RAB25: variants seen among roughly 807,000 people sequenced by gnomAD.
RAB25 encodes RAB25, member RAS oncogene family.
A neutral mutation model predicts 25.2 loss-of-function variants in RAB25; 23 were observed. The observed-to-expected ratio is 0.91, with a 90% confidence interval of 0.66 to 1.29. The LOEUF is 1.29. RAB25 is among the 50% of genes most tolerant of loss of function. The pLI is 0.00. For synonymous variants in RAB25, 102 were observed against 111.5 expected (o/e 0.91, Z 0.54); for missense variants, 244 against 277.3 (o/e 0.88, Z 0.85).
chr1:156,066,272 C>T, intron 2 of RAB25, 166 bp downstream of exon 2: 2 of 602,954 alleles, frequency 3.3e-6, no homozygotes, highest in Admixed American at 6.6e-5. Flanking sequence ...ACAGAAACAG[C>T]ACAAGCCAGG....
intron 2 of RAB25, among the ~76,000 whole-genome samples, chr1:156,067,587 TA>T (rs1234445624): frequency 6.6e-6 from 1 of 152,136 alleles, no homozygotes; most frequent in Non-Finnish European, 1.5e-5. Flanking sequence ...AGGCCACTGT[TA>T]AGGAGCCATG....
Position 156,070,147 on chromosome 1 carries a change from T to C in RAB25, c.515-13T>C. ...AAATCTTCTGGCCTGATCACTGCCC[T>C]CTGCCCTCCCAGAAATCTTTGCGAA... On this transcript the variant is annotated splice_polypyrimidine_tract_variant and intron_variant, in intron 4 of 4. Coordinates refer to ENST00000361084, the MANE Select transcript of RAB25 (RefSeq NM_020387.4). 1 of 1,614,096 alleles carries C rather than the reference T, an allele frequency of 6.2e-7. No individual in the cohort carries two copies. The highest frequency in any genetic ancestry group is 8.5e-7 in the Non-Finnish European group (1 of 1,179,984).
intron 1 of RAB25, among the ~76,000 whole-genome samples, chr1:156,065,493 A>G (rs2102769939): frequency 1.3e-5 from 2 of 152,294 alleles, no homozygotes; most frequent in South Asian, 4.1e-4. Context: ...CAGCTCATAT[A>G]TATAGAGACA....
Position 156,068,451 on chromosome 1 carries a change from C to G in RAB25, c.421C>G (p.Arg141Gly). ...QAREVPTEEA[R>G]MFAENNGLLF... is the part of the protein sequence containing the mutation. ...CCGGGAAGTGCCCACTGAGGAGGCCCGAATGTTCGCTGGTGAGAGCCTGCC... is the reference window on the plus strand; with the variant it reads ...CCGGGAAGTGCCCACTGAGGAGGCCGGAATGTTCGCTGGTGAGAGCCTGCC... The change falls in exon 3 of 5, where the codon CGA becomes GGA. Residue 141 changes from arginine (R) to glycine (G), a missense_variant. Arg to Gly is a moderately radical substitution (Grantham distance 125). Transcript: ENST00000361084. 2 of 1,612,652 alleles carry G rather than the reference C, an allele frequency of 1.2e-6. No homozygotes were observed. The highest frequency in any genetic ancestry group is 1.7e-6 in the Non-Finnish European group (2 of 1,179,540).
chr1:156,068,870 G>C (rs1647828982), intron 3 of RAB25, among the ~76,000 whole-genome samples: 1 of 151,514 alleles, frequency 6.6e-6, no homozygotes. Flanking sequence ...TGTATTTTTA[G>C]TAGAGATGGG....
At chr1:156,065,801 A>T in intron 1 of RAB25, 110 bp from the exon 2 acceptor site, 2 of 869,464 alleles carry the variant, frequency 2.3e-6, no homozygotes, top group Non-Finnish European at 3.4e-6. Context: ...CCGTTCCCTA[A>T]TCTTTTTTCT....
chr1:156,069,678 T>C lies in RAB25; in HGVS notation c.441T>C (p.Asn147=), dbSNP rs767167776. 1.1e-5 allele frequency: 17 copies of C among 1,610,038 alleles called. No homozygotes were observed. The South Asian group carries it at 1.3e-4, about 12-fold the overall frequency. ...TEEARMFAEN[N]GLLFLETSAL... is the part of the protein sequence containing the mutation. Reference sequence around the variant, plus strand: ...TGTTTCCCTTCCTGGCAGAAAACAATGGACTGCTCTTCCTGGAGACCTCAG... The same window carrying C: ...TGTTTCCCTTCCTGGCAGAAAACAACGGACTGCTCTTCCTGGAGACCTCAG... Residue 147 remains asparagine, a synonymous_variant, in exon 4 of 5, where the codon AAT becomes AAC. Transcript: ENST00000361084.
Position 156,070,237 on chromosome 1 carries a change from G to A in RAB25, c.592G>A (p.Gly198Arg). The A allele has an allele frequency of 6.2e-7, 1 of 1,614,060 alleles. No homozygotes were observed. The highest frequency in any genetic ancestry group is 1.1e-5 in the South Asian group (1 of 91,082). ...NAITLGSAQA[G>R]QEPGPGEKRA... ...CATCACTCTGGGCAGTGCCCAGGCTGGACAGGAGCCTGGCCCTGGGGAGAA... is the reference window on the plus strand; with the variant it reads ...CATCACTCTGGGCAGTGCCCAGGCTAGACAGGAGCCTGGCCCTGGGGAGAA... Residue 198 changes from glycine (G) to arginine (R), a missense_variant, in exon 5 of 5, where the codon GGA becomes AGA. Transcript: ENST00000361084.
chr1:156,062,635 A>G (rs1031305772), intron 1 of RAB25, among the ~76,000 whole-genome samples: 1 of 151,830 alleles, frequency 6.6e-6, no homozygotes, highest in Admixed American at 6.6e-5. Flanking sequence ...CTTACTATGT[A>G]CCTGCCACTA....
Position 156,070,372 on chromosome 1 carries a change from T to A in RAB25, c.*85T>A. The A allele has an allele frequency of 6.5e-7, 1 of 1,538,350 alleles. No homozygotes were observed. Among genetic ancestry groups the A allele is most frequent in the Non-Finnish European group, 8.8e-7 (1 of 1,137,536 alleles). On this transcript the variant is annotated 3_prime_UTR_variant, in exon 5 of 5. Coordinates refer to ENST00000361084, the MANE Select transcript of RAB25 (RefSeq NM_020387.4). ...CCCAGGACCTTTCCTTGCCCTTTGG[T>A]TCCAGATATCAGACTGTTCCCTGTT... is the stretch of plus-strand genomic sequence containing the variant.
At chr1:156,066,258 G>A (rs1647744622) in intron 2 of RAB25, 152 bp downstream of exon 2, 5 of 671,200 alleles carry the variant, frequency 7.4e-6, no homozygotes. Flanking sequence ...AAAAGGTACT[G>A]TAAACAGAAA....
Position 156,070,406 on chromosome 1 carries a change from C to A in RAB25, c.*119C>A. On this transcript the variant is annotated 3_prime_UTR_variant, in exon 5 of 5. Coordinates refer to ENST00000361084, the MANE Select transcript of RAB25 (RefSeq NM_020387.4). ...TCAGACTGTTCCCTGTTCACAGCACCCTCAGGGTCTTAAGGTCTTCATGCC... is the reference window on the plus strand; with the variant it reads ...TCAGACTGTTCCCTGTTCACAGCACACTCAGGGTCTTAAGGTCTTCATGCC... 7.4e-7 allele frequency: 1 copy of A among 1,358,622 alleles called. No individual in the cohort carries two copies. Among genetic ancestry groups the A allele is most frequent in the Non-Finnish European group, 1.0e-6 (1 of 998,242 alleles). 84.2% of individuals were successfully genotyped at this position (1,358,622 alleles called of 1,614,324 possible). A position where few individuals can be genotyped will look rare whatever the true frequency, so the allele number is the denominator to read the frequency against.
Position 156,068,268 on chromosome 1 carries a change from A to T in RAB25, c.240-2A>T. 6.2e-7 allele frequency: 1 copy of T among 1,608,406 alleles called. No homozygotes were observed. The highest frequency in any genetic ancestry group is 8.5e-7 in the Non-Finnish European group (1 of 1,175,038). On this transcript the variant is annotated splice_acceptor_variant, in intron 2 of 4. Coordinates refer to ENST00000361084, the MANE Select transcript of RAB25 (RefSeq NM_020387.4). LOFTEE classifies it high-confidence loss of function. ...CTGTCCATCCTTCTCATTCCCACCC[A>T]GGTACTATCGTGGTGCAGTGGGGGC...
At position 156,070,175 on chromosome 1, in the gene RAB25, TG is replaced by T; in HGVS notation, c.531del (p.Ser178ProfsTer?). ...ETVLKEIFAK[V>X]SKQRQNSIRT... ...GCCCTCCCAGAAATCTTTGCGAAGG[TG>T]TCCAAGCAGAGACAGAACAGCATCC... is the stretch of plus-strand genomic sequence containing the variant. On this transcript the variant is annotated frameshift_variant, in exon 5 of 5. Coordinates refer to ENST00000361084, the MANE Select transcript of RAB25 (RefSeq NM_020387.4). LOFTEE classifies it high-confidence loss of function. 1 of 1,613,922 alleles carries T rather than the reference TG, an allele frequency of 6.2e-7. No homozygotes were observed. Among genetic ancestry groups the T allele is most frequent in the South Asian group, 1.1e-5 (1 of 91,074 alleles).
At chr1:156,069,566 A>C (rs985465939) in intron 3 of RAB25, 105 bp from the exon 4 acceptor site, 1 of 887,114 alleles carries the variant, frequency 1.1e-6, no homozygotes. Flanking sequence ...GATCTGCTAC[A>C]TGCCAAGAGT....
At chr1:156,062,834 A>G (rs571346476) in intron 1 of RAB25, among the ~76,000 whole-genome samples, 7 of 152,046 alleles carry the variant, frequency 4.6e-5, no homozygotes, top group African/African-American at 1.4e-4. Context: ...CGGCGGGATC[A>G]CTTAAGGTCT....
chr1:156,062,391 C>T (rs978521844), intron 1 of RAB25, among the ~76,000 whole-genome samples: 8 of 152,024 alleles, frequency 5.3e-5, no homozygotes, highest in African/African-American at 1.9e-4. Flanking sequence ...GTGTTTGGTG[C>T]CTTTGCTGTT....
intron 2 of RAB25, among the ~76,000 whole-genome samples, chr1:156,066,781 A>C (rs1240815058): frequency 1.3e-5 from 2 of 151,532 alleles, no homozygotes; most frequent in Admixed American, 1.3e-4. Flanking sequence ...TCTACCAAAA[A>C]TATAAAAAAT....
intron 3 of RAB25, 142 bp from the exon 4 acceptor site, chr1:156,069,529 C>A (rs1647844508): frequency 7.2e-6 from 5 of 691,768 alleles, no homozygotes; most frequent in Admixed American, 4.6e-5. Flanking sequence ...AATGAACCTA[C>A]CTTGTAAGTT....
Sources: allele counts gnomAD v4.1 joint callset (sites outside exome capture counted in the v4.1 genomes callset), GRCh38; gene constraint gnomAD v4.1.1; transcripts MANE v1.5; gene names NCBI Gene and HGNC (gene_info 2026-07-23, HGNC 2026-07-21).